Variants in GRIN2B observed in about 807,000 individuals in gnomAD.
GRIN2B encodes the protein glutamate receptor ionotropic, NMDA 2B.
Under a neutral mutation model 114.5 loss-of-function variants are expected in GRIN2B, and 5 were observed. The ratio of observed to expected loss-of-function variants is 0.04; its 90% confidence interval spans 0.02 to 0.09. The LOEUF is 0.09. Ranked by LOEUF, GRIN2B falls within the 10% of genes least tolerant of loss-of-function variation. The pLI, the probability that GRIN2B is intolerant of heterozygous loss-of-function variation, is 1.00. For synonymous variants in GRIN2B, 787 were observed against 745.1 expected (o/e 1.06, Z -0.92); for missense variants, 1,108 against 1,943.5 (o/e 0.57, Z 8.08).
intron 3 of GRIN2B, among the ~76,000 whole-genome samples, chr12:13,824,541 A>G (rs1383301140): frequency 6.6e-6 from 1 of 152,052 alleles, no homozygotes; most frequent in African/African-American, 2.4e-5. Context: ...CTAGAGATCT[A>G]TCAATCTTAT....
intron 3 of GRIN2B, among the ~76,000 whole-genome samples, chr12:13,777,145 G>A (rs1393352243): frequency 6.6e-6 from 1 of 152,118 alleles, no homozygotes; most frequent in Non-Finnish European, 1.5e-5. Flanking sequence ...GAATATGGAT[G>A]TTTCAGCCCA....
At chr12:13,906,398 C>T (rs1866535092) in intron 2 of GRIN2B, among the ~76,000 whole-genome samples, 1 of 152,138 alleles carries the variant, frequency 6.6e-6, no homozygotes, top group Admixed American at 6.5e-5. Context: ...CTCTCATATC[C>T]TTATTTTACA....
chr12:13,844,699 C>T (rs1007691868), intron 3 of GRIN2B, among the ~76,000 whole-genome samples: 16 of 152,150 alleles, frequency 1.1e-4, no homozygotes, highest in African/African-American at 3.6e-4. Context: ...CATTTAACTT[C>T]TCAGAGACTT....
At chr12:13,788,484 T>C (rs533022213) in intron 3 of GRIN2B, among the ~76,000 whole-genome samples, 4 of 152,252 alleles carry the variant, frequency 2.6e-5, no homozygotes, top group African/African-American at 9.6e-5. Context: ...GCTAGAACCA[T>C]AGAATGCTTG....
intron 10 of GRIN2B, among the ~76,000 whole-genome samples, chr12:13,576,678 A>G (rs1477354058): frequency 6.6e-6 from 1 of 151,594 alleles, no homozygotes; most frequent in East Asian, 1.9e-4. Context: ...TCAGCCTCCC[A>G]GGTAACTGAG....
chr12:13,849,309 T>C (rs1432531468), intron 3 of GRIN2B, among the ~76,000 whole-genome samples: 1 of 152,036 alleles, frequency 6.6e-6, no homozygotes, highest in African/African-American at 2.4e-5. Flanking sequence ...CCGTGGCTTA[T>C]ATGAGTGTAA....
intron 2 of GRIN2B, among the ~76,000 whole-genome samples, chr12:13,873,514 G>A (rs111971571): frequency 0.029 from 4,431 of 152,278 alleles, 96 homozygotes; most frequent in Middle Eastern, 0.054. Context: ...TCTTTGATTT[G>A]AATTGACTTG....
chr12:13,782,415 C>T (rs1864133748), intron 3 of GRIN2B, among the ~76,000 whole-genome samples: 1 of 152,182 alleles, frequency 6.6e-6, no homozygotes, highest in African/African-American at 2.4e-5. Flanking sequence ...AGCAAATCTT[C>T]CTCTTTAATA....
chr12:13,918,529 T>G (rs527781086), intron 2 of GRIN2B, among the ~76,000 whole-genome samples: 10 of 152,308 alleles, frequency 6.6e-5, no homozygotes, highest in Admixed American at 4.6e-4. Context: ...CTGGACATGT[T>G]AAAAAAATGG....
Position 13,547,201 on chromosome 12 carries a change from AG to A in GRIN2B, c.*15581del, listed in dbSNP as rs1352239619. ...ATGAAGGGGAACCAGGAGAGCTGCCAGGAGGCTGGGAGGTGAGGAAGGGTTT... is the reference window on the plus strand; with the variant it reads ...ATGAAGGGGAACCAGGAGAGCTGCCAGAGGCTGGGAGGTGAGGAAGGGTTT... On this transcript the variant is annotated 3_prime_UTR_variant, in exon 14 of 14. Transcript: ENST00000609686. 5 of 152,256 alleles carry A rather than the reference AG, an allele frequency of 3.3e-5. No individual in the cohort carries two copies. The highest frequency in any genetic ancestry group is 1.2e-4 in the African/African-American group (5 of 41,462). The allele number at this position is 152,256 out of a possible 1,614,324, so 9.4% of individuals were successfully genotyped here. A position where few individuals can be genotyped will look rare whatever the true frequency, so the allele number is the denominator to read the frequency against.
At chr12:13,813,721 T>G (rs562588752) in intron 3 of GRIN2B, among the ~76,000 whole-genome samples, 5 of 152,328 alleles carry the variant, frequency 3.3e-5, no homozygotes, top group Admixed American at 3.3e-4. Flanking sequence ...GCTAATTCAT[T>G]CAATATGATA....
At chr12:13,646,070 T>C (rs1188506016) in intron 5 of GRIN2B, among the ~76,000 whole-genome samples, 6 of 152,140 alleles carry the variant, frequency 3.9e-5, no homozygotes, top group Admixed American at 2.0e-4. Context: ...TGTTCACTGG[T>C]AAGTAGTCTA....
At chr12:13,713,649 C>A (rs1050712096) in intron 4 of GRIN2B, among the ~76,000 whole-genome samples, 1 of 151,690 alleles carries the variant, frequency 6.6e-6, no homozygotes, top group Non-Finnish European at 1.5e-5. Context: ...TACAAGGGAA[C>A]AACTCAGAAT....
At chr12:13,680,072 T>A (rs1008963474) in intron 4 of GRIN2B, among the ~76,000 whole-genome samples, 2 of 152,106 alleles carry the variant, frequency 1.3e-5, no homozygotes, top group African/African-American at 4.8e-5. Flanking sequence ...ATAACCACAT[T>A]TTAACAAGAC....
At chr12:13,644,073 G>A (rs1368998161) in intron 5 of GRIN2B, among the ~76,000 whole-genome samples, 6 of 152,078 alleles carry the variant, frequency 3.9e-5, no homozygotes, top group Admixed American at 2.0e-4. Context: ...ATCTAAAAGG[G>A]CAAATTCTTT....
At chr12:13,696,571 A>C (rs1374055878) in intron 4 of GRIN2B, among the ~76,000 whole-genome samples, 1 of 152,180 alleles carries the variant, frequency 6.6e-6, no homozygotes, top group Non-Finnish European at 1.5e-5. Flanking sequence ...ACCGCCACTA[A>C]AAACTTCTAC....
Position 13,570,032 on chromosome 12 carries a change from A to T in GRIN2B, c.2172-15T>A. The T allele has an allele frequency of 6.3e-7, 1 of 1,588,412 alleles. No individual in the cohort carries two copies. The highest frequency in any genetic ancestry group is 8.6e-7 in the Non-Finnish European group (1 of 1,156,830). ...CATCCAGTTTCCTGTACAGGAAAAA[A>T]GCAAACAAATCCAATGGAGGAATTT... On this transcript the variant is annotated splice_polypyrimidine_tract_variant and intron_variant, in intron 11 of 13. Transcript: ENST00000609686.
intron 3 of GRIN2B, among the ~76,000 whole-genome samples, chr12:13,781,911 T>A (rs1468304045): frequency 6.6e-6 from 1 of 152,206 alleles, no homozygotes; most frequent in East Asian, 1.9e-4. Context: ...AGACTCTTAA[T>A]ATGGTATTTA....
intron 3 of GRIN2B, among the ~76,000 whole-genome samples, chr12:13,831,754 T>C (rs1249629768): frequency 6.6e-6 from 1 of 152,244 alleles, no homozygotes; most frequent in East Asian, 1.9e-4. Context: ...GAAAGGTTTT[T>C]AGTCTCTTTT....
Sources: gnomAD v4.1 joint callset for allele counts (sites outside exome capture counted in the v4.1 genomes callset) on GRCh38, gnomAD v4.1.1 for gene constraint, MANE v1.5 for transcripts, NCBI Gene and HGNC (gene_info 2026-07-23, HGNC 2026-07-21) for gene names.